Variants in UBE3D observed in about 807,000 individuals in gnomAD.
The protein encoded by UBE3D is ubiquitin protein ligase E3D.
A neutral mutation model predicts 49.6 loss-of-function variants in UBE3D; 48 were observed. The ratio of observed to expected loss-of-function variants is 0.97; its 90% CI spans 0.77 to 1.23. The LOEUF (loss-of-function observed/expected upper bound fraction) is 1.23, where lower values mean the gene tolerates loss of function less well. Ranked by LOEUF, UBE3D falls within the 50% of genes most tolerant of loss-of-function variation. The probability of loss-of-function intolerance (pLI) is 0.00; values close to 1 mark genes in which losing one functional copy is unlikely to be tolerated. For synonymous variants in UBE3D, 189 were observed against 174.2 expected, an observed-to-expected ratio of 1.08 and a Z score of -0.67; for missense variants, 452 against 468.4, an observed-to-expected ratio of 0.96 and a Z score of 0.32.
At chr6:82,935,263 C>T (rs1455549328) in intron 9 of UBE3D, among the ~76,000 whole-genome samples, 1 of 151,956 alleles carries the variant, frequency 6.6e-6, no homozygotes, top group Non-Finnish European at 1.5e-5. Flanking sequence ...CACTTTTAAA[C>T]TAGCAGATCT....
chr6:83,032,285 C>T (rs1215902753), intron 5 of UBE3D: 2 of 454,978 alleles, frequency 4.4e-6, no homozygotes, highest in Admixed American at 4.7e-5. Flanking sequence ...CCATGGGAGC[C>T]CACCTCTTGC....
In UBE3D at chr6:82,961,997, T is replaced by A. The variant is rs1776591701; in HGVS notation, c.1011-4547A>T. Among the ~76,000 whole-genome samples, 4 of 149,832 alleles carry A rather than the reference T, an allele frequency of 2.7e-5. No homozygotes were observed. The Admixed American group carries it at 2.7e-4, about 10-fold the overall frequency. On this transcript the variant is annotated intron_variant, in intron 8 of 9. Coordinates refer to ENST00000369747, the MANE Select transcript of UBE3D (RefSeq NM_198920.3). ...TGCTAATTTATTTTTTATACGTGTG[T>A]GTGTGTGTGTGTGTCTGTATTACTT... is the stretch of plus-strand genomic sequence containing the variant.
At chr6:82,925,528 T>A (rs931922480) in intron 9 of UBE3D, among the ~76,000 whole-genome samples, 7 of 152,152 alleles carry the variant, frequency 4.6e-5, no homozygotes, top group African/African-American at 1.7e-4. Flanking sequence ...ACATGGGGAA[T>A]CCATCCTATC....
At chr6:82,952,248 G>A (rs1208386404) in intron 9 of UBE3D, among the ~76,000 whole-genome samples, 2 of 152,000 alleles carry the variant, frequency 1.3e-5, no homozygotes, top group Non-Finnish European at 2.9e-5. Flanking sequence ...TGGGAATGTT[G>A]TGCACCTGTG....
chr6:83,047,119 C>T (rs893135192), intron 3 of UBE3D, among the ~76,000 whole-genome samples: 8 of 152,188 alleles, frequency 5.3e-5, no homozygotes, highest in Admixed American at 2.0e-4. Flanking sequence ...CCCCTGGTTG[C>T]GTCTGTTGCA....
intron 8 of UBE3D, among the ~76,000 whole-genome samples, chr6:82,982,146 A>G (rs1778157364): frequency 6.6e-6 from 1 of 152,224 alleles, no homozygotes; most frequent in African/African-American, 2.4e-5. Context: ...AGCTTCATCA[A>G]CAATCAATTC....
At chr6:83,022,655 C>T (rs1781188819) in intron 6 of UBE3D, 94 bp from the exon 7 acceptor site, 1 of 758,318 alleles carries the variant, frequency 1.3e-6, no homozygotes, top group Non-Finnish European at 2.0e-6. Flanking sequence ...ACCTAAAAGG[C>T]AGACATATCC....
At chr6:83,060,458 T>A (rs2015720) in intron 1 of UBE3D, among the ~76,000 whole-genome samples, 137,444 of 152,236 alleles carry the variant, frequency 0.9, 62,059 homozygotes, top group East Asian at 0.96. Context: ...ACAGTAATAT[T>A]GATGGTTGTA....
At position 83,022,482 on chromosome 6, in the gene UBE3D, G is replaced by A; in HGVS notation, c.817C>T (p.Gln273Ter). 1 of 1,604,908 alleles carries A rather than the reference G, an allele frequency of 6.2e-7. No homozygotes were observed. The highest frequency in any genetic ancestry group is 8.5e-7 in the Non-Finnish European group (1 of 1,176,466). ...SARSTFRFTI[Q>*]GQDDKVYILL... ...ATATACACTTTGTCATCCTGACCTT[G>A]AATCGTGAATCTAAAAGTGCTTCTA... The change falls in exon 7 of 10, where the codon CAA becomes TAA. Residue 273 changes from glutamine to a stop codon, truncating the protein, a stop_gained. Transcript: ENST00000369747. LOFTEE classifies it high-confidence loss of function.
chr6:82,993,478 G>C (rs1779037949), intron 8 of UBE3D, among the ~76,000 whole-genome samples: 1 of 152,074 alleles, frequency 6.6e-6, no homozygotes, highest in Non-Finnish European at 1.5e-5. Context: ...CATAGTATTT[G>C]GATTAACCTA....
chr6:82,921,646 G>T (rs962731103), intron 9 of UBE3D, among the ~76,000 whole-genome samples: 2 of 152,208 alleles, frequency 1.3e-5, no homozygotes, highest in Admixed American at 6.5e-5. Flanking sequence ...AAAGGCACTT[G>T]TGAGAATTCC....
chr6:82,914,138 A>C (rs1422731155), intron 9 of UBE3D, among the ~76,000 whole-genome samples: 1 of 152,204 alleles, frequency 6.6e-6, no homozygotes, highest in African/African-American at 2.4e-5. Flanking sequence ...CTAATTTAAA[A>C]TGATGAAGGT....
chr6:83,021,177 C>G (rs1222060136), intron 7 of UBE3D, among the ~76,000 whole-genome samples: 1 of 152,100 alleles, frequency 6.6e-6, no homozygotes, highest in African/African-American at 2.4e-5. Flanking sequence ...TGCCTGTAAT[C>G]CCACTATAAT....
intron 8 of UBE3D, among the ~76,000 whole-genome samples, chr6:82,983,548 A>AT (rs11377650): frequency 0.32 from 47,765 of 151,418 alleles, 8,159 homozygotes; most frequent in African/African-American, 0.44. Flanking sequence ...AAAAGTAGTA[A>AT]TTTTTTTTTA....
chr6:83,003,737 G>T (rs1161619094), intron 8 of UBE3D, among the ~76,000 whole-genome samples: 1 of 152,118 alleles, frequency 6.6e-6, no homozygotes, highest in Non-Finnish European at 1.5e-5. Flanking sequence ...ACACAGAAAA[G>T]GTACAGGAAA....
chr6:82,929,215 A>G (rs1480339918), intron 9 of UBE3D, among the ~76,000 whole-genome samples: 1 of 152,160 alleles, frequency 6.6e-6, no homozygotes, highest in African/African-American at 2.4e-5. Flanking sequence ...TTCAACAGCC[A>G]TGTTTGTCTT....
chr6:82,941,024 C>T (rs956025695), intron 9 of UBE3D, among the ~76,000 whole-genome samples: 5 of 152,114 alleles, frequency 3.3e-5, no homozygotes, highest in Admixed American at 2.0e-4. Flanking sequence ...ACGAGCCTGG[C>T]CAATACGGTG....
chr6:83,043,232 TTCTC>T (rs953645904), intron 4 of UBE3D, among the ~76,000 whole-genome samples: 7 of 152,178 alleles, frequency 4.6e-5, no homozygotes, highest in Non-Finnish European at 8.8e-5. Context: ...GATTCAATCT[TTCTC>T]TACTACTTTT....
At chr6:82,954,246 G>A (rs1776004044) in intron 9 of UBE3D, among the ~76,000 whole-genome samples, 1 of 152,182 alleles carries the variant, frequency 6.6e-6, no homozygotes. Context: ...CAACAACTTA[G>A]TATATGCTTA....
Sources: gnomAD v4.1 joint callset for allele counts (sites outside exome capture counted in the v4.1 genomes callset) on GRCh38, gnomAD v4.1.1 for gene constraint, MANE v1.5 for transcripts, NCBI Gene and HGNC (gene_info 2026-07-23, HGNC 2026-07-21) for gene names.